SPTBN1: variants seen among roughly 807,000 people sequenced by gnomAD.
The protein encoded by SPTBN1 is spectrin beta chain, non-erythrocytic 1.
SPTBN1 carries 32 observed loss-of-function variants against 266.4 expected under a neutral mutation model. The observed-to-expected ratio is 0.12, with a 90% CI of 0.09 to 0.16. The LOEUF (loss-of-function observed/expected upper bound fraction) is 0.16, where lower values mean the gene tolerates loss of function less well. Ranked by LOEUF, SPTBN1 falls within the 10% of genes least tolerant of loss-of-function variation. The pLI, the probability that SPTBN1 is intolerant of heterozygous loss-of-function variation, is 1.00. For synonymous variants in SPTBN1, 1,336 were observed against 1,162.2 expected (o/e 1.15, Z -3.04); for missense variants, 2,296 against 3,067.1 (o/e 0.75, Z 5.94).
At position 54,549,161 on chromosome 2, in the gene SPTBN1, C is replaced by T. The variant is rs1006091046; in HGVS notation, c.148+22595C>T. Among the ~76,000 whole-genome samples the T allele has an allele frequency of 3.9e-5, 6 of 152,052 alleles. No homozygotes were observed. In the East Asian group the frequency reaches 5.8e-4, roughly 15 times the overall value. ...CAAAATTAGCTGGTGTGGTGGTGCG[C>T]GCCTGTAATCCCAGCTACTCGGAAA... On this transcript the variant is annotated intron_variant, in intron 2 of 35. Transcript: ENST00000356805.
intron 2 of SPTBN1, among the ~76,000 whole-genome samples, chr2:54,565,629 G>A: frequency 6.6e-6 from 1 of 152,148 alleles, no homozygotes; most frequent in East Asian, 1.9e-4. Context: ...ATAATCTATT[G>A]AATTTAACCT....
Position 54,479,821 on chromosome 2 carries a change from G to A in SPTBN1, c.-48+23303G>A, listed in dbSNP as rs539990089. ...TAATAACCATTTAAGTATTCAGTTC[G>A]CTTTCTATTATCTTTATATTATTTC... On this transcript the variant is annotated intron_variant, in intron 1 of 35. Coordinates refer to ENST00000356805, the MANE Select transcript of SPTBN1 (RefSeq NM_003128.3). 5.7e-4 allele frequency among the ~76,000 whole-genome samples: 86 copies of A among 151,666 alleles called. 1 individual carries two copies. The highest frequency in any genetic ancestry group is 1.8e-3 in the African/African-American group (76 of 41,364).
chr2:54,488,555 A>T (rs1304864628), intron 1 of SPTBN1, among the ~76,000 whole-genome samples: 2 of 152,168 alleles, frequency 1.3e-5, no homozygotes, highest in Non-Finnish European at 2.9e-5. Flanking sequence ...CTGTGTGATC[A>T]CACAGGCTAA....
intron 2 of SPTBN1, among the ~76,000 whole-genome samples, chr2:54,581,992 C>T (rs994838712): frequency 1.3e-5 from 2 of 151,952 alleles, no homozygotes; most frequent in African/African-American, 2.4e-5. Context: ...CATGGGGTAC[C>T]TGTAAATTAT....
intron 1 of SPTBN1, among the ~76,000 whole-genome samples, chr2:54,494,546 A>G (rs1353702960): frequency 6.6e-6 from 1 of 152,262 alleles, no homozygotes; most frequent in African/African-American, 2.4e-5. Context: ...TTAATGGTAT[A>G]CTATTCAGCA....
At chr2:54,623,396 A>G in intron 9 of SPTBN1, 83 bp from the exon 10 acceptor site, 1 of 1,197,032 alleles carries the variant, frequency 8.4e-7, no homozygotes, top group Non-Finnish European at 1.2e-6. Flanking sequence ...AAGTCAGACC[A>G]GAGTTAAATG....
At chr2:54,472,392 T>C (rs902109849) in intron 1 of SPTBN1, among the ~76,000 whole-genome samples, 2 of 152,180 alleles carry the variant, frequency 1.3e-5, no homozygotes, top group Non-Finnish European at 2.9e-5. Context: ...GAATTATTGA[T>C]GTTTGAACAC....
Position 54,558,598 on chromosome 2 carries a change from G to C in SPTBN1, c.148+32032G>C, listed in dbSNP as rs1049784616. 3.2e-5 allele frequency: 45 copies of C among 1,398,502 alleles called. No individual in the cohort carries two copies. The highest frequency in any genetic ancestry group is 4.2e-5 in the Non-Finnish European group (45 of 1,073,870). 86.6% of individuals were successfully genotyped at this position (1,398,502 alleles called of 1,614,324 possible). ...TGCCTGTGTGGTAACTCCTCGCGGA[G>C]CTAAGGTGGACTCTCTTGCAGCCAA... On this transcript the variant is annotated intron_variant, in intron 2 of 35. Transcript: ENST00000356805. The surrounding 1 kb of genome is among the most constrained non-coding windows in gnomAD (Gnocchi z 4.6).
In SPTBN1 at chr2:54,649,063, G is replaced by A. The variant is rs781506555; in HGVS notation, c.5075G>A (p.Gly1692Asp). 6.2e-7 allele frequency: 1 copy of A among 1,614,230 alleles called. No homozygotes were observed. The highest frequency in any genetic ancestry group is 8.5e-7 in the Non-Finnish European group (1 of 1,180,030). ...AAAGACCTTGCTGAAGAGAGAAGAGGCAAGCTGGATGAGAGACACAGGTTA... is the reference window on the plus strand; with the variant it reads ...AAAGACCTTGCTGAAGAGAGAAGAGACAAGCTGGATGAGAGACACAGGTTA... ...GLKDLAEERR[G>D]KLDERHRLFQ... Residue 1692 changes from glycine to aspartate, a missense_variant, in exon 25 of 36, where the codon GGC becomes GAC. Physicochemically the swap from Gly to Asp is moderately conservative, Grantham distance 94. Coordinates refer to ENST00000356805, the MANE Select transcript of SPTBN1 (RefSeq NM_003128.3). The surrounding 1 kb of genome is among the most constrained non-coding windows in gnomAD (Gnocchi z 6.7).
intron 2 of SPTBN1, among the ~76,000 whole-genome samples, chr2:54,561,372 G>A (rs1673286151): frequency 6.6e-6 from 1 of 152,194 alleles, no homozygotes; most frequent in Non-Finnish European, 1.5e-5. Flanking sequence ...GGCCTCAAAT[G>A]ATCCTCCCGC....
At chr2:54,546,539 C>G (rs1253188186) in intron 2 of SPTBN1, 3 of 152,180 alleles carry the variant, frequency 2.0e-5, no homozygotes, top group Non-Finnish European at 4.4e-5. Flanking sequence ...TTTGAGGACT[C>G]AATCTCAAAG....
chr2:54,599,228 C>T lies in SPTBN1; in HGVS notation c.285C>T (p.Leu95=), dbSNP rs1258236538. Residue 95 remains leucine, a synonymous_variant, in exon 3 of 36, where the codon CTC becomes CTT. Coordinates refer to ENST00000356805, the MANE Select transcript of SPTBN1 (RefSeq NM_003128.3). ...GRMLIKLLEV[L]SGERLPKPTK... ...TGCTCATCAAGCTGCTGGAGGTCCT[C>T]TCTGGAGAGAGGCTGGTGAGTGGAG... The T allele has an allele frequency of 1.2e-6, 2 of 1,614,044 alleles. No individual in the cohort carries two copies. Among genetic ancestry groups the T allele is most frequent in the Non-Finnish European group, 1.7e-6 (2 of 1,180,036 alleles).
At chr2:54,565,228 G>A (rs775124857) in intron 2 of SPTBN1, among the ~76,000 whole-genome samples, 4 of 152,204 alleles carry the variant, frequency 2.6e-5, no homozygotes, top group Non-Finnish European at 4.4e-5. Flanking sequence ...AAAATTTTGT[G>A]GTGGGGATGG....
intron 2 of SPTBN1, among the ~76,000 whole-genome samples, chr2:54,590,594 G>A (rs1675610992): frequency 6.6e-6 from 1 of 152,234 alleles, no homozygotes; most frequent in Non-Finnish European, 1.5e-5. Flanking sequence ...CATCTGATAG[G>A]AGAGGGCCTC....
intron 2 of SPTBN1, among the ~76,000 whole-genome samples, chr2:54,549,415 G>A (rs1379005427): frequency 2.6e-5 from 4 of 151,548 alleles, no homozygotes; most frequent in Non-Finnish European, 5.9e-5. Flanking sequence ...AGATTCTGTT[G>A]TATGTATATA....
intron 1 of SPTBN1, among the ~76,000 whole-genome samples, chr2:54,513,624 TG>T (rs1470855916): frequency 2.0e-5 from 3 of 152,224 alleles, no homozygotes; most frequent in Non-Finnish European, 4.4e-5. Flanking sequence ...TTGTTATTTG[TG>T]GTGGCTAGAA....
intron 1 of SPTBN1, among the ~76,000 whole-genome samples, chr2:54,501,679 G>A (rs754810284): frequency 6.6e-6 from 1 of 152,198 alleles, no homozygotes; most frequent in Non-Finnish European, 1.5e-5. Flanking sequence ...TCACCTTTCT[G>A]CTCAGTGCTC....
At chr2:54,632,860 T>A in intron 17 of SPTBN1, 92 bp downstream of exon 17, 1 of 1,420,490 alleles carries the variant, frequency 7.0e-7, no homozygotes, top group Non-Finnish European at 9.6e-7. Flanking sequence ...AGTTTAGGTA[T>A]AAATTTCCCA....
intron 16 of SPTBN1, among the ~76,000 whole-genome samples, 182 bp downstream of exon 16, chr2:54,631,793 A>G (rs1300614921): frequency 1.3e-5 from 2 of 152,214 alleles, no homozygotes; most frequent in Non-Finnish European, 2.9e-5. Context: ...TGTAGGGGAC[A>G]GGAATTGAAA....
Sources: gnomAD v4.1 joint callset for allele counts (sites outside exome capture counted in the v4.1 genomes callset) on GRCh38, gnomAD v4.1.1 for gene constraint, Gnocchi (gnomAD v3.1) non-coding constraint, MANE v1.5 for transcripts, NCBI Gene and HGNC (gene_info 2026-07-23, HGNC 2026-07-21) for gene names.